Variants in IL17RC observed in about 807,000 individuals in gnomAD.
The protein encoded by IL17RC is interleukin 17 receptor C, also known as interleukin-17 receptor C.
IL17RC carries 53 observed loss-of-function variants against 86.7 expected under a neutral mutation model. The observed-to-expected ratio is 0.61, with a 90% confidence interval of 0.49 to 0.77. The LOEUF (loss-of-function observed/expected upper bound fraction) is 0.77, where lower values mean the gene tolerates loss of function less well. Among genes scored for constraint, IL17RC ranks in the 30% least tolerant of loss-of-function variants. The pLI, the probability that IL17RC is intolerant of heterozygous loss-of-function variation, is 0.00. For synonymous variants in IL17RC, 439 were observed against 413.1 expected, an observed-to-expected ratio of 1.06 and a Z score of -0.76; for missense variants, 957 against 940.0, an observed-to-expected ratio of 1.02 and a Z score of -0.24.
intron 9 of IL17RC, among the ~76,000 whole-genome samples, chr3:9,924,853 G>A (rs1221277908): frequency 6.6e-6 from 1 of 152,104 alleles, no homozygotes; most frequent in African/African-American, 2.4e-5. Flanking sequence ...CCAGGCTGGA[G>A]TGCAGTGGCA....
chr3:9,924,919 A>C (rs942873720), intron 9 of IL17RC, among the ~76,000 whole-genome samples: 1 of 151,994 alleles, frequency 6.6e-6, no homozygotes, highest in Non-Finnish European at 1.5e-5. Flanking sequence ...CTCCTGTCTC[A>C]GCCTCCCAAG....
chr3:9,932,384 G>A (rs2125305003), intron 16 of IL17RC, among the ~76,000 whole-genome samples: 1 of 152,042 alleles, frequency 6.6e-6, no homozygotes, highest in South Asian at 2.1e-4. Flanking sequence ...GTGCCACCAC[G>A]CCCGGCTAAT....
intron 9 of IL17RC, 109 bp downstream of exon 9, chr3:9,924,400 G>A (rs1553584045): frequency 8.6e-7 from 1 of 1,159,426 alleles, no homozygotes; most frequent in Non-Finnish European, 1.3e-6. Flanking sequence ...TTGAGGTGGA[G>A]ACTGTGGCTC....
In IL17RC at chr3:9,918,453, GGC is replaced by G. The variant is rs779267161; in HGVS notation, c.355+45_356-45del. 2.4e-5 allele frequency: 39 copies of G among 1,610,360 alleles called. No individual in the cohort carries two copies. In the South Asian group the frequency reaches 4.1e-4, roughly 17 times the overall value. On this transcript the variant is annotated intron_variant, in intron 4 of 18. Coordinates refer to ENST00000403601, the MANE Select transcript of IL17RC (RefSeq NM_153460.4). ...GCCCAACTGCCCCATGCCAAGGCCT[GGC>G]CTGCCGCTCCTGGGCCTGACTGACC... is the stretch of plus-strand genomic sequence containing the variant.
chr3:9,923,153 G>A (rs999061029), intron 7 of IL17RC, among the ~76,000 whole-genome samples: 3 of 149,188 alleles, frequency 2.0e-5, no homozygotes, highest in Non-Finnish European at 4.5e-5. Flanking sequence ...CTCCAGCCTG[G>A]GCGACAGAGC....
intron 9 of IL17RC, among the ~76,000 whole-genome samples, chr3:9,925,633 A>AT (rs375309164): frequency 8.6e-5 from 13 of 150,728 alleles, no homozygotes; most frequent in African/African-American, 3.2e-4. Context: ...TTTTCACTCT[A>AT]TTTTCCCCAT....
At chr3:9,928,515 G>C in intron 11 of IL17RC, 29 bp downstream of exon 11, 6 of 1,613,642 alleles carry the variant, frequency 3.7e-6, no homozygotes, top group Non-Finnish European at 5.1e-6. Flanking sequence ...ACCTCCCGTG[G>C]TGAGGGGAGA....
Position 9,933,375 on chromosome 3 carries a change from A to C in IL17RC, c.1945A>C (p.Thr649Pro). The change falls in exon 19 of 19, where the codon ACC becomes CCC. Residue 649 changes from threonine to proline, a missense_variant. By Grantham distance (38) the Thr-to-Pro change is conservative. Coordinates refer to ENST00000403601, the MANE Select transcript of IL17RC (RefSeq NM_153460.4). ...HPDAVPALFR[T>P]VPVFTLPSQL... ...GGACGCCGTACCCGCCCTTTTCCGC[A>C]CCGTGCCCGTCTTCACACTGCCCTC... The C allele has an allele frequency of 6.2e-7, 1 of 1,612,688 alleles. No individual in the cohort carries two copies. The highest frequency in any genetic ancestry group is 1.1e-5 in the South Asian group (1 of 90,930).
At chr3:9,931,012 G>A in intron 16 of IL17RC, 69 bp downstream of exon 16, 3 of 1,234,838 alleles carry the variant, frequency 2.4e-6, no homozygotes, top group South Asian at 1.2e-5. Context: ...ACCACTCTTG[G>A]GCACAGCACA....
chr3:9,923,886 C>A lies in IL17RC; in HGVS notation c.628C>A (p.Pro210Thr). 1 of 1,614,022 alleles carries A rather than the reference C, an allele frequency of 6.2e-7. No homozygotes were observed. The highest frequency in any genetic ancestry group is 1.1e-5 in the South Asian group (1 of 91,072). ...WNSIPSCWAL[P>T]WLNVSADGDN... is the part of the protein sequence containing the mutation. ...CTCTTTGCCTCTCCCACCAGCCCTG[C>A]CCTGGCTCAACGTGTCAGCAGATGG... Residue 210 changes from proline to threonine, a missense_variant, in exon 8 of 19, where the codon CCC (proline) becomes ACC (threonine). Transcript: ENST00000403601.
intron 7 of IL17RC, among the ~76,000 whole-genome samples, chr3:9,922,618 G>A (rs527888530): frequency 6.6e-6 from 1 of 152,326 alleles, no homozygotes; most frequent in African/African-American, 2.4e-5. Flanking sequence ...CCACGGAGCT[G>A]GTGTCAGGGT....
At chr3:9,923,860 T>C in intron 7 of IL17RC, 21 bp from the exon 8 acceptor site, 1 of 1,613,024 alleles carries the variant, frequency 6.2e-7, no homozygotes, top group African/African-American at 1.3e-5. Flanking sequence ...TAAGCTGCGC[T>C]CTCTTTGCCT....
Position 9,917,966 on chromosome 3 carries a change from G to C in IL17RC, c.171G>C (p.Pro57=), listed in dbSNP as rs146222177. 7.4e-6 allele frequency: 12 copies of C among 1,613,534 alleles called. No homozygotes were observed. The change falls in exon 3 of 19, where the codon CCG becomes CCC. Residue 57 remains proline (P), a synonymous_variant. Transcript: ENST00000403601. ...TGCCTGGGGACATCGTGCCTGCTCC[G>C]GGCCCCGTGCTGGCGCCTACGCACC... is the stretch of plus-strand genomic sequence containing the variant. ...LCLPGDIVPA[P]GPVLAPTHLQ...
In IL17RC at chr3:9,930,596, TC is replaced by T; in HGVS notation, c.1338+141del. The T allele has an allele frequency of 3.5e-6, 3 of 852,562 alleles. No homozygotes were observed. The highest frequency in any genetic ancestry group is 5.6e-6 in the Non-Finnish European group (3 of 534,742). The allele number at this position is 852,562 out of a possible 1,614,324, so 52.8% of individuals were successfully genotyped here. A position where few individuals can be genotyped will look rare whatever the true frequency, so the allele number is the denominator to read the frequency against. On this transcript the variant is annotated intron_variant, in intron 15 of 18. Transcript: ENST00000403601. The surrounding 1 kb of genome is among the most constrained non-coding windows in gnomAD (Gnocchi z 5.8). Reference sequence around the variant, plus strand: ...AAGAGTAGAAGAAGCACAGTTCCTATCCCCAAGGAGCACACTGTTGGCTAGA... The same window carrying T: ...AAGAGTAGAAGAAGCACAGTTCCTATCCCAAGGAGCACACTGTTGGCTAGA...
chr3:9,929,779 T>C, intron 12 of IL17RC, 73 bp from the exon 13 acceptor site: 1 of 1,548,988 alleles, frequency 6.5e-7, no homozygotes, highest in Non-Finnish European at 8.9e-7. Flanking sequence ...TTCTGTTGCC[T>C]GCCCCATTCT....
chr3:9,930,502 A>C lies in IL17RC; in HGVS notation c.1338+43A>C, dbSNP rs753872493. The C allele has an allele frequency of 6.3e-7, 1 of 1,585,008 alleles. No individual in the cohort carries two copies. Among genetic ancestry groups the C allele is most frequent in the Non-Finnish European group, 8.7e-7 (1 of 1,154,888 alleles). On this transcript the variant is annotated intron_variant, in intron 15 of 18. Coordinates refer to ENST00000403601, the MANE Select transcript of IL17RC (RefSeq NM_153460.4). The surrounding 1 kb of genome is among the most constrained non-coding windows in gnomAD (Gnocchi z 5.8). The stretch of plus-strand genomic sequence containing the variant: ...GGGCCCCACCTCAATGCCTAGGGGC[A>C]ACAGGCCTAAAACTAGCACTCACCT...
rs2125320503 is a variant in IL17RC at position 9,933,361 on chromosome 3, C to T, written c.1931C>T (p.Pro644Leu). ...AGGCTGCTCCACCCGGACGCCGTACCCGCCCTTTTCCGCACCGTGCCCGTC... is the reference window on the plus strand; with the variant it reads ...AGGCTGCTCCACCCGGACGCCGTACTCGCCCTTTTCCGCACCGTGCCCGTC... ...FDRLLHPDAV[P>L]ALFRTVPVFT... The change falls in exon 19 of 19, where the codon CCC (proline) becomes CTC (leucine). Residue 644 changes from proline (P) to leucine (L), a missense_variant. By Grantham distance (98) the Pro-to-Leu change is moderately conservative. Transcript: ENST00000403601. 6.2e-7 allele frequency: 1 copy of T among 1,612,142 alleles called. No individual in the cohort carries two copies. Among genetic ancestry groups the T allele is most frequent in the Admixed American group, 1.7e-5 (1 of 59,896 alleles).
intron 9 of IL17RC, among the ~76,000 whole-genome samples, chr3:9,927,836 C>T (rs1575580431): frequency 2.0e-5 from 3 of 152,026 alleles, no homozygotes; most frequent in East Asian, 3.9e-4. Context: ...GTAATCGCAG[C>T]TCCTCAGGAG....
intron 9 of IL17RC, among the ~76,000 whole-genome samples, chr3:9,925,451 C>G (rs1444825237): frequency 6.6e-6 from 1 of 152,076 alleles, no homozygotes; most frequent in Non-Finnish European, 1.5e-5. Context: ...CAGGTCTCAT[C>G]CATCTTACCT....
Sources: allele counts gnomAD v4.1 joint callset (sites outside exome capture counted in the v4.1 genomes callset), GRCh38; gene constraint gnomAD v4.1.1; non-coding constraint Gnocchi (gnomAD v3.1); transcripts MANE v1.5; gene names NCBI Gene and HGNC (gene_info 2026-07-23, HGNC 2026-07-21).